The following PPM1B variants were observed in gnomAD, a reference collection of about 807,000 sequenced individuals.
PPM1B encodes protein phosphatase, Mg2+/Mn2+ dependent 1B, also known as protein phosphatase 1B.
PPM1B carries 22 observed loss-of-function variants against 43.0 expected under a neutral mutation model. The ratio of observed to expected loss-of-function variants is 0.51; its 90% CI spans 0.37 to 0.73. The LOEUF is 0.73. Ranked by LOEUF, PPM1B falls within the 30% of genes least tolerant of loss-of-function variation. The probability of loss-of-function intolerance (pLI) is 0.00; values close to 1 mark genes in which losing one functional copy is unlikely to be tolerated. For missense variants in PPM1B, 632 were observed against 584.2 expected (o/e 1.08, Z -0.84); for synonymous variants, 217 against 197.9 (o/e 1.10, Z -0.81).
intron 3 of PPM1B, among the ~76,000 whole-genome samples, chr2:44,212,742 G>T (rs771261591): frequency 3.3e-5 from 5 of 152,064 alleles, no homozygotes; most frequent in African/African-American, 7.2e-5. Flanking sequence ...CAGTCATGGT[G>T]GCTCACGCCT....
intron 1 of PPM1B, among the ~76,000 whole-genome samples, chr2:44,182,302 C>T (rs1446763328): frequency 6.6e-6 from 1 of 152,004 alleles, no homozygotes. Flanking sequence ...TCTTGTTGCC[C>T]AGGCTGGAGT....
At chr2:44,218,135 T>C in intron 4 of PPM1B, 57 bp downstream of exon 4, 13 of 1,336,200 alleles carry the variant, frequency 9.7e-6, no homozygotes, top group Non-Finnish European at 1.4e-5. Flanking sequence ...TTAAATAATT[T>C]GGGGTAAAAA....
chr2:44,185,230 C>G (rs1389390971), intron 1 of PPM1B, among the ~76,000 whole-genome samples: 2 of 151,976 alleles, frequency 1.3e-5, no homozygotes, highest in East Asian at 3.8e-4. Context: ...ATAGTTGTGT[C>G]TTGTAGAATT....
At position 44,207,889 on chromosome 2, in the gene PPM1B, T is replaced by A. The variant is rs1038442438; in HGVS notation, c.847-1321T>A. On this transcript the variant is annotated intron_variant, in intron 2 of 5. Coordinates refer to ENST00000282412, the MANE Select transcript of PPM1B (RefSeq NM_002706.6). ...TGAGTCACAGTGCCTGGCTTTATGC[T>A]TTTTTTTTTTTTTTTTTTGGAGACA... is the stretch of plus-strand genomic sequence containing the variant. Among the ~76,000 whole-genome samples the A allele has an allele frequency of 8.4e-4, 22 of 26,184 alleles. No individual in the cohort carries two copies. The East Asian group carries it at 0.018, about 21-fold the overall frequency. The allele number at this position is 26,184 out of a possible 152,430, so 17.2% of individuals were successfully genotyped here.
At chr2:44,218,577 C>T in intron 5 of PPM1B, 40 bp downstream of exon 5, 1 of 1,365,650 alleles carries the variant, frequency 7.3e-7, no homozygotes, top group Non-Finnish European at 1.0e-6. Context: ...GAAGTAATTT[C>T]ACAATATAAA....
intron 1 of PPM1B, among the ~76,000 whole-genome samples, chr2:44,189,313 C>T (rs1359222704): frequency 6.6e-6 from 1 of 152,162 alleles, no homozygotes; most frequent in Non-Finnish European, 1.5e-5. Flanking sequence ...AGACTGGGGT[C>T]GATGGTTCTC....
chr2:44,212,719 C>A (rs1297700027), intron 3 of PPM1B, among the ~76,000 whole-genome samples: 1 of 151,970 alleles, frequency 6.6e-6, no homozygotes, highest in Non-Finnish European at 1.5e-5. Flanking sequence ...TTAAAAAATT[C>A]CGTTTAGTAG....
At chr2:44,195,556 C>A (rs143744138) in intron 1 of PPM1B, among the ~76,000 whole-genome samples, 1 of 152,094 alleles carries the variant, frequency 6.6e-6, no homozygotes, top group Non-Finnish European at 1.5e-5. Flanking sequence ...TGGTGGCTCA[C>A]ACCTGTAATT....
chr2:44,214,039 C>G (rs28524032), intron 3 of PPM1B, among the ~76,000 whole-genome samples: 5 of 152,112 alleles, frequency 3.3e-5, no homozygotes. Flanking sequence ...CCTCAAGGCA[C>G]CAGTTTCTTT....
intron 1 of PPM1B, among the ~76,000 whole-genome samples, chr2:44,200,050 G>T (rs1668861290): frequency 6.6e-6 from 1 of 152,076 alleles, no homozygotes; most frequent in African/African-American, 2.4e-5. Context: ...TTCCATCTAA[G>T]ATCTATTGAA....
At chr2:44,245,401 G>A (rs567776782), downstream of PPM1B, among the ~76,000 whole-genome samples, 6 of 152,232 alleles carry the variant, frequency 3.9e-5, no homozygotes, top group East Asian at 1.2e-3. Context: ...TCTGCCTGTC[G>A]TGTTGCATCT....
At chr2:44,217,384 A>C (rs943675270) in intron 3 of PPM1B, among the ~76,000 whole-genome samples, 4 of 149,886 alleles carry the variant, frequency 2.7e-5, no homozygotes, top group African/African-American at 9.9e-5. Flanking sequence ...GGGCAACAAG[A>C]GTGAAACTCC....
chr2:44,238,471 G>A (rs944512470), downstream of PPM1B, among the ~76,000 whole-genome samples: 1 of 152,108 alleles, frequency 6.6e-6, no homozygotes, highest in Non-Finnish European at 1.5e-5. Flanking sequence ...GGAGGCCGAG[G>A]TGGGTGGATC....
downstream of PPM1B, among the ~76,000 whole-genome samples, chr2:44,246,427 C>A (rs1447663415): frequency 6.6e-6 from 1 of 152,132 alleles, no homozygotes; most frequent in Admixed American, 6.5e-5. Context: ...TAGCTATCTT[C>A]TTCTTTCCAG....
chr2:44,240,465 TTTTC>T (rs1454387882), intron 5 of PPM1B, among the ~76,000 whole-genome samples: 4 of 145,936 alleles, frequency 2.7e-5, no homozygotes, highest in East Asian at 2.0e-4. Flanking sequence ...TTTTTTCCCT[TTTTC>T]TTTTTTTCAG....
intron 1 of PPM1B, among the ~76,000 whole-genome samples, chr2:44,198,764 A>C (rs936929036): frequency 3.3e-5 from 5 of 152,216 alleles, no homozygotes; most frequent in Admixed American, 2.6e-4. Flanking sequence ...ACCTATGTGC[A>C]GTCTGCCCCA....
downstream of PPM1B, chr2:44,232,407 A>C: frequency 6.3e-7 from 1 of 1,594,008 alleles, no homozygotes; most frequent in Non-Finnish European, 8.5e-7. Flanking sequence ...TTTTAATCAC[A>C]ATTTTCTTCA....
chr2:44,232,597 T>C (rs912541235), downstream of PPM1B: 12 of 1,293,106 alleles, frequency 9.3e-6, no homozygotes, highest in Non-Finnish European at 1.2e-5. Flanking sequence ...TATTGAACTT[T>C]CGGCCCTAGA....
intron 1 of PPM1B, among the ~76,000 whole-genome samples, chr2:44,197,579 G>A (rs374161740): frequency 2.3e-4 from 35 of 152,226 alleles, no homozygotes; most frequent in African/African-American, 8.4e-4. Context: ...ATGACATTGA[G>A]TTGCCTTTTG....
Sources: allele counts gnomAD v4.1 joint callset (sites outside exome capture counted in the v4.1 genomes callset), GRCh38; gene constraint gnomAD v4.1.1; transcripts MANE v1.5; gene names NCBI Gene and HGNC (gene_info 2026-07-23, HGNC 2026-07-21).